The following SDK2 variants were observed in gnomAD, a reference collection of about 807,000 sequenced individuals.
SDK2 encodes the protein protein sidekick-2.
SDK2 carries 105 observed loss-of-function variants against 253.9 expected under a neutral mutation model. The ratio of observed to expected loss-of-function variants is 0.41; its 90% confidence interval spans 0.35 to 0.49. SDK2 has a LOEUF of 0.49. SDK2 is among the 20% of genes least tolerant of loss of function. The pLI is 0.06. For missense variants in SDK2, 2,608 were observed against 3,003.0 expected (o/e 0.87, Z 3.07); for synonymous variants, 1,249 against 1,234.9 (o/e 1.01, Z -0.24).
intron 1 of SDK2, chr17:73,520,911 A>G (rs1204882241): frequency 6.6e-6 from 1 of 152,084 alleles, no homozygotes; most frequent in Non-Finnish European, 1.5e-5. Flanking sequence ...GAGAGAGGGG[A>G]ATGGGGAGTG....
chr17:73,409,681 A>C (rs2063109521), intron 18 of SDK2, among the ~76,000 whole-genome samples: 2 of 152,244 alleles, frequency 1.3e-5, no homozygotes, highest in Non-Finnish European at 2.9e-5. Flanking sequence ...GCTCATTCTT[A>C]TTGGAGGTAT....
chr17:73,594,362 CTTCTCCTGAG>C (rs1368896046), intron 1 of SDK2, among the ~76,000 whole-genome samples: 2 of 152,134 alleles, frequency 1.3e-5, no homozygotes, highest in African/African-American at 4.8e-5. Flanking sequence ...GTCTCAAGCC[CTTCTCCTGAG>C]TATAAAGATG....
intron 2 of SDK2, among the ~76,000 whole-genome samples, chr17:73,487,427 G>T (rs1194081828): frequency 2.6e-5 from 4 of 152,234 alleles, no homozygotes; most frequent in Non-Finnish European, 5.9e-5. Flanking sequence ...GGCTGAGATG[G>T]TGATGACTGG....
intron 37 of SDK2, among the ~76,000 whole-genome samples, chr17:73,367,099 G>T (rs370456102): frequency 9.2e-5 from 14 of 152,050 alleles, no homozygotes; most frequent in African/African-American, 2.9e-4. Flanking sequence ...CACCTCCCAG[G>T]TTCAAGCGAT....
At chr17:73,356,228 C>G (rs981078185) in intron 40 of SDK2, among the ~76,000 whole-genome samples, 1 of 152,190 alleles carries the variant, frequency 6.6e-6, no homozygotes, top group Admixed American at 6.5e-5. Flanking sequence ...GGGCTGGGAT[C>G]ATTGAGGCCC....
intron 1 of SDK2, among the ~76,000 whole-genome samples, chr17:73,528,787 G>A (rs1268130528): frequency 6.6e-6 from 1 of 152,182 alleles, no homozygotes; most frequent in Non-Finnish European, 1.5e-5. Flanking sequence ...CCTGATGGTC[G>A]AAGCTTTTAT....
At chr17:73,550,004 A>G (rs923556808) in intron 1 of SDK2, among the ~76,000 whole-genome samples, 1 of 152,082 alleles carries the variant, frequency 6.6e-6, no homozygotes, top group African/African-American at 2.4e-5. Flanking sequence ...TGCATGCAAG[A>G]CACTAATGCA....
At chr17:73,397,607 C>T (rs115745302) in intron 24 of SDK2, among the ~76,000 whole-genome samples, 201 of 152,274 alleles carry the variant, frequency 1.3e-3, no homozygotes, top group African/African-American at 4.7e-3. Flanking sequence ...CGGTCAGGAC[C>T]CTCAACACAC....
intron 2 of SDK2, among the ~76,000 whole-genome samples, chr17:73,476,263 A>G (rs2063685194): frequency 6.6e-6 from 1 of 152,232 alleles, no homozygotes; most frequent in Admixed American, 6.5e-5. Flanking sequence ...GTATACAAAT[A>G]CACAAGCACA....
chr17:73,592,804 C>T (rs1026089702), intron 1 of SDK2, among the ~76,000 whole-genome samples: 1 of 152,158 alleles, frequency 6.6e-6, no homozygotes, highest in Non-Finnish European at 1.5e-5. Flanking sequence ...TTGTAACCAC[C>T]GTGCGTGACA....
intron 43 of SDK2, among the ~76,000 whole-genome samples, chr17:73,350,015 C>CA (rs1213992075): frequency 6.6e-6 from 1 of 151,998 alleles, no homozygotes; most frequent in East Asian, 1.9e-4. Flanking sequence ...GCGCCCTCAC[C>CA]CCCAGGCTGT....
chr17:73,608,240 C>T (rs2045931395), intron 1 of SDK2, among the ~76,000 whole-genome samples: 1 of 152,004 alleles, frequency 6.6e-6, no homozygotes, highest in African/African-American at 2.4e-5. Context: ...CTGTCCCTCC[C>T]TTTATTTTTC....
At chr17:73,385,175 C>G (rs574750428) in intron 32 of SDK2, among the ~76,000 whole-genome samples, 1 of 152,184 alleles carries the variant, frequency 6.6e-6, no homozygotes, top group African/African-American at 2.4e-5. Flanking sequence ...TGCCAGGGGT[C>G]CCTCTCATGT....
At chr17:73,388,803 C>A (rs2062897929) in intron 29 of SDK2, among the ~76,000 whole-genome samples, 1 of 115,946 alleles carries the variant, frequency 8.6e-6, no homozygotes, top group Non-Finnish European at 1.9e-5. Context: ...TCCCTCCTTC[C>A]TTCCTTCCCT....
intron 3 of SDK2, among the ~76,000 whole-genome samples, chr17:73,468,696 T>G (rs2063621660): frequency 6.6e-6 from 1 of 151,998 alleles, no homozygotes; most frequent in African/African-American, 2.4e-5. Context: ...TTTAATTTTT[T>G]TTTTATTTTT....
intron 1 of SDK2, among the ~76,000 whole-genome samples, chr17:73,535,124 A>G (rs1454021699): frequency 2.0e-5 from 3 of 152,160 alleles, no homozygotes; most frequent in Non-Finnish European, 4.4e-5. Context: ...CCAGGAAACC[A>G]AAGGTGGCCT....
rs1169563026 is a variant in SDK2 at position 73,609,052 on chromosome 17, C to T, written c.64+34973G>A. Among the ~76,000 whole-genome samples, 2 of 152,218 alleles carry T rather than the reference C, an allele frequency of 1.3e-5. No individual in the cohort carries two copies. Among genetic ancestry groups the T allele is most frequent in the Non-Finnish European group, 2.9e-5 (2 of 68,042 alleles). ...AGGGTTAGCCTTGAGGTTTGGGCTG[C>T]AGATCACTGCATCTTGGCATTGACC... On this transcript the variant is annotated intron_variant, in intron 1 of 44. Transcript: ENST00000392650. This position sits in a 1 kb window ranked among gnomAD's most constrained non-coding sequence, Gnocchi z 4.4.
chr17:73,519,804 A>C (rs1011671288), intron 1 of SDK2: 1 of 152,194 alleles, frequency 6.6e-6, no homozygotes, highest in African/African-American at 2.4e-5. Flanking sequence ...CAGGGAGGAA[A>C]AAACAAAGCA....
rs2063461121 is a variant in SDK2, at chr17:73,447,508, C to T, written c.613+107G>A. 3 of 1,474,912 alleles carry T rather than the reference C, an allele frequency of 2.0e-6. No individual in the cohort carries two copies. Among genetic ancestry groups the T allele is most frequent in the South Asian group, 1.3e-5 (1 of 75,558 alleles). The allele number at this position is 1,474,912 out of a possible 1,614,324, so 91.4% of individuals were successfully genotyped here. A position where few individuals can be genotyped will look rare whatever the true frequency, so the allele number is the denominator to read the frequency against. On this transcript the variant is annotated intron_variant, in intron 5 of 44. Transcript: ENST00000392650. The surrounding 1 kb of genome is among the most constrained non-coding windows in gnomAD (Gnocchi z 4.0). The stretch of plus-strand genomic sequence containing the variant: ...CTCCCCCCGGCCGTCCCCTAGCTTC[C>T]CTGTCCCCCTCCTCTGCCACTCCAT...
Sources: allele counts gnomAD v4.1 joint callset (sites outside exome capture counted in the v4.1 genomes callset), GRCh38; gene constraint gnomAD v4.1.1; non-coding constraint Gnocchi (gnomAD v3.1); transcripts MANE v1.5; gene names NCBI Gene and HGNC (gene_info 2026-07-23, HGNC 2026-07-21).